FAM81A: variants seen among roughly 807,000 people sequenced by gnomAD.
The protein encoded by FAM81A is family with sequence similarity 81 member A.
FAM81A carries 19 observed loss-of-function variants against 46.7 expected under a neutral mutation model. The ratio of observed to expected loss-of-function variants is 0.41; its 90% CI spans 0.28 to 0.60. The LOEUF is 0.60. Among genes scored for constraint, FAM81A ranks in the 20% least tolerant of loss-of-function variants. The probability of loss-of-function intolerance (pLI) is 0.34; values close to 1 mark genes in which losing one functional copy is unlikely to be tolerated. For synonymous variants in FAM81A, 183 were observed against 152.9 expected (o/e 1.20, Z -1.45); for missense variants, 377 against 453.5 (o/e 0.83, Z 1.53).
Position 59,487,938 on chromosome 15 carries a change from CAAAACA to C in FAM81A, c.295-4319_295-4314del, listed in dbSNP as rs576467509. Among the ~76,000 whole-genome samples the C allele has an allele frequency of 1.9e-3, 280 of 149,532 alleles. 5 individuals carry two copies. The East Asian group carries it at 0.037, about 20-fold the overall frequency. On this transcript the variant is annotated intron_variant, in intron 3 of 8. Coordinates refer to ENST00000288228, the MANE Select transcript of FAM81A (RefSeq NM_152450.3). ...TACCTTGGTACCAAAATTAAAGATG[CAAAACA>C]AAAACAAAAACAACAACAAAAAAAC... is the stretch of plus-strand genomic sequence containing the variant.
In FAM81A at chr15:59,476,521, G is replaced by A. The variant is rs181905295; in HGVS notation, c.295-15750G>A. ...GCACCAGGCACGGTGGCTCACGCCT[G>A]TAATCCCATCACTTTGGGTGTGGGA... is the stretch of plus-strand genomic sequence containing the variant. On this transcript the variant is annotated intron_variant, in intron 3 of 8. Coordinates refer to ENST00000288228, the MANE Select transcript of FAM81A (RefSeq NM_152450.3). 2.5e-4 allele frequency among the ~76,000 whole-genome samples: 38 copies of A among 152,352 alleles called. No individual in the cohort carries two copies. In the East Asian group the frequency reaches 6.9e-3, roughly 28 times the overall value.
At chr15:59,426,709 A>G (rs1306529294) in intron 2 of FAM81A, among the ~76,000 whole-genome samples, 1 of 152,208 alleles carries the variant, frequency 6.6e-6, no homozygotes, top group Non-Finnish European at 1.5e-5. Flanking sequence ...ACTGTTAGAC[A>G]TTATCTAGTC....
chr15:59,443,789 GTCTC>G (rs1381484175), intron 1 of FAM81A, among the ~76,000 whole-genome samples: 4 of 152,074 alleles, frequency 2.6e-5, no homozygotes, highest in African/African-American at 7.2e-5. Flanking sequence ...TGTGCCTACT[GTCTC>G]TCTCCTGTTT....
At chr15:59,418,966 C>T (rs2081158856) in intron 2 of FAM81A, among the ~76,000 whole-genome samples, 1 of 152,166 alleles carries the variant, frequency 6.6e-6, no homozygotes, top group Non-Finnish European at 1.5e-5. Flanking sequence ...GATTTCTGAA[C>T]AGACTGGCTG....
chr15:59,457,041 A>G (rs917408952), intron 1 of FAM81A, among the ~76,000 whole-genome samples: 2 of 152,198 alleles, frequency 1.3e-5, no homozygotes, highest in Admixed American at 6.5e-5. Context: ...ACAACTTTAA[A>G]ACTGTAAAGA....
intron 2 of FAM81A, among the ~76,000 whole-genome samples, chr15:59,416,814 G>A (rs2081148729): frequency 6.6e-6 from 1 of 152,194 alleles, no homozygotes; most frequent in Non-Finnish European, 1.5e-5. Context: ...TCCAAAGGGT[G>A]CTGGAACCAT....
chr15:59,487,101 A>G (rs1269819072), intron 3 of FAM81A, among the ~76,000 whole-genome samples: 1 of 150,262 alleles, frequency 6.7e-6, no homozygotes, highest in Non-Finnish European at 1.5e-5. Context: ...GTACAATAAG[A>G]TATGAATAGA....
At chr15:59,443,960 T>C (rs1408136768) in intron 1 of FAM81A, 3 of 152,536 alleles carry the variant, frequency 2.0e-5, no homozygotes, top group African/African-American at 7.2e-5. Flanking sequence ...CTCATGCTGC[T>C]CTGAATTCAC....
At chr15:59,453,028 G>T (rs543308636) in intron 1 of FAM81A, among the ~76,000 whole-genome samples, 1 of 152,218 alleles carries the variant, frequency 6.6e-6, no homozygotes. Context: ...CTCCCAAAGT[G>T]CTGGGATCAT....
chr15:59,399,300 C>T (rs1224234671), intron 1 of FAM81A, among the ~76,000 whole-genome samples: 2 of 152,174 alleles, frequency 1.3e-5, no homozygotes, highest in African/African-American at 2.4e-5. Flanking sequence ...TCCACTTTCA[C>T]ATTACTAGCC....
intron 2 of FAM81A, among the ~76,000 whole-genome samples, chr15:59,424,603 C>T (rs1320117958): frequency 6.6e-6 from 1 of 152,220 alleles, no homozygotes; most frequent in Non-Finnish European, 1.5e-5. Flanking sequence ...ACTGAATCTG[C>T]TTTTCCCACA....
chr15:59,406,393 G>T (rs1201568247), intron 2 of FAM81A, among the ~76,000 whole-genome samples: 7 of 152,174 alleles, frequency 4.6e-5, no homozygotes, highest in Admixed American at 3.9e-4. Context: ...AGTTCACATG[G>T]TTTGCGAGCA....
Position 59,508,896 on chromosome 15 carries a change from A to G in FAM81A, c.577A>G (p.Ile193Val), listed in dbSNP as rs746702589. 1.9e-6 allele frequency: 3 copies of G among 1,613,296 alleles called. No individual in the cohort carries two copies. The highest frequency in any genetic ancestry group is 2.5e-6 in the Non-Finnish European group (3 of 1,179,534). Residue 193 changes from isoleucine (I) to valine (V), a missense_variant, in exon 6 of 9, where the codon ATA becomes GTA. Coordinates refer to ENST00000288228, the MANE Select transcript of FAM81A (RefSeq NM_152450.3). ...GCTTTTGAACAGAGTGGACTTGTCA[A>G]TATCAGAGCAGAGCACCAAACTGAA... is the stretch of plus-strand genomic sequence containing the variant. Reference protein sequence around the residue: ...SQLLNRVDLSISEQSTKLKMS... With the variant: ...SQLLNRVDLSVSEQSTKLKMS...
At chr15:59,416,063 A>G (rs2081145387) in intron 2 of FAM81A, among the ~76,000 whole-genome samples, 1 of 152,240 alleles carries the variant, frequency 6.6e-6, no homozygotes, top group South Asian at 2.1e-4. Flanking sequence ...AAACCACAGA[A>G]AAATGGAAAG....
At chr15:59,436,463 A>G (rs2141571082), upstream of FAM81A, among the ~76,000 whole-genome samples, 1 of 152,244 alleles carries the variant, frequency 6.6e-6, no homozygotes, top group East Asian at 1.9e-4. Flanking sequence ...AAGAAACAAG[A>G]CAGAGGGGAC....
intron 3 of FAM81A, among the ~76,000 whole-genome samples, chr15:59,470,887 A>C (rs1299582753): frequency 6.6e-6 from 1 of 151,992 alleles, no homozygotes; most frequent in African/African-American, 2.4e-5. Context: ...CAGTGGCTCT[A>C]TTACAGCTCA....
intron 3 of FAM81A, among the ~76,000 whole-genome samples, chr15:59,491,928 T>C (rs1317912299): frequency 6.6e-6 from 1 of 150,434 alleles, no homozygotes; most frequent in East Asian, 1.9e-4. Flanking sequence ...ATTGTGCCAC[T>C]GCACTCCAGC....
intron 8 of FAM81A, among the ~76,000 whole-genome samples, chr15:59,517,714 G>A (rs1266156132): frequency 6.6e-6 from 1 of 152,016 alleles, no homozygotes; most frequent in African/African-American, 2.4e-5. Flanking sequence ...TTATTTATAG[G>A]AGCTACAATT....
chr15:59,402,864 T>G (rs1567034722), intron 2 of FAM81A, among the ~76,000 whole-genome samples: 1 of 152,192 alleles, frequency 6.6e-6, no homozygotes, highest in Admixed American at 6.5e-5. Context: ...TCTATTCCTT[T>G]TACAATATGC....
Sources: allele counts gnomAD v4.1 joint callset (sites outside exome capture counted in the v4.1 genomes callset), GRCh38; gene constraint gnomAD v4.1.1; transcripts MANE v1.5; gene names NCBI Gene and HGNC (gene_info 2026-07-23, HGNC 2026-07-21).